EYS: variants seen among roughly 807,000 people sequenced by gnomAD.
EYS encodes the protein protein eyes shut homolog.
A neutral mutation model predicts 282.1 loss-of-function variants in EYS; 250 were observed. The observed-to-expected ratio is 0.89, with a 90% CI of 0.80 to 0.98. The LOEUF (loss-of-function observed/expected upper bound fraction) is 0.98. Among genes scored for constraint, EYS ranks in the 50% least tolerant of loss-of-function variants. The pLI, the probability that EYS is intolerant of heterozygous loss-of-function variation, is 0.00. For synonymous variants in EYS, 1,355 were observed against 1,282.9 expected (o/e 1.06, Z -1.20); for missense variants, 4,016 against 3,709.0 (o/e 1.08, Z -2.15).
chr6:65,528,942 C>T (rs1347085123), intron 2 of EYS, among the ~76,000 whole-genome samples: 2 of 152,076 alleles, frequency 1.3e-5, no homozygotes, highest in Admixed American at 1.3e-4. Context: ...TGCAAATTTT[C>T]AGAAATCTAG....
chr6:64,593,448 A>T, intron 24 of EYS, 139 bp from the exon 25 acceptor site: 1 of 602,246 alleles, frequency 1.7e-6, no homozygotes, highest in Non-Finnish European at 2.6e-6. Context: ...CTTGAAAATT[A>T]AATCTCCATA....
At chr6:63,785,531 C>A (rs187652318) in intron 39 of EYS, among the ~76,000 whole-genome samples, 1 of 151,972 alleles carries the variant, frequency 6.6e-6, no homozygotes, top group South Asian at 2.1e-4. Context: ...TAAGGCACAG[C>A]GTATTTGGCA....
intron 12 of EYS, among the ~76,000 whole-genome samples, chr6:65,168,678 C>T (rs909212531): frequency 6.6e-6 from 1 of 151,258 alleles, no homozygotes; most frequent in African/African-American, 2.4e-5. Flanking sequence ...CACAAACATT[C>T]AGGTCATAGT....
chr6:63,862,329 C>T (rs1209191713), intron 36 of EYS, among the ~76,000 whole-genome samples: 1 of 151,936 alleles, frequency 6.6e-6, no homozygotes, highest in Non-Finnish European at 1.5e-5. Flanking sequence ...TTTTACATTG[C>T]TAAACTAGAT....
At chr6:65,306,932 C>G (rs1245919864) in intron 11 of EYS, among the ~76,000 whole-genome samples, 2 of 140,368 alleles carry the variant, frequency 1.4e-5, no homozygotes, top group South Asian at 2.3e-4. Flanking sequence ...AAGTTACTTA[C>G]CATTCAACCT....
At chr6:65,526,930 A>C (rs558780236) in intron 2 of EYS, among the ~76,000 whole-genome samples, 20 of 152,338 alleles carry the variant, frequency 1.3e-4, no homozygotes, top group African/African-American at 4.8e-4. Context: ...ATAATTCAGT[A>C]TATTTTATAA....
intron 33 of EYS, among the ~76,000 whole-genome samples, chr6:64,065,632 C>CA (rs1771338611): frequency 6.6e-6 from 1 of 152,084 alleles, no homozygotes; most frequent in African/African-American, 2.4e-5. Flanking sequence ...TTTGTGCAGT[C>CA]AATGGCTCCC....
intron 19 of EYS, among the ~76,000 whole-genome samples, chr6:64,864,352 A>T: frequency 7.0e-6 from 1 of 142,850 alleles, no homozygotes; most frequent in Admixed American, 7.5e-5. Context: ...GAAGGCAAAA[A>T]TAATTTTGAG....
chr6:65,295,781 A>C, intron 12 of EYS, 82 bp downstream of exon 12: 1 of 1,158,292 alleles, frequency 8.6e-7, no homozygotes, highest in Admixed American at 2.7e-5. Context: ...CACATTTGAG[A>C]TATATTTGAG....
intron 36 of EYS, among the ~76,000 whole-genome samples, chr6:63,812,620 T>G (rs1426565246): frequency 6.6e-6 from 1 of 152,146 alleles, no homozygotes; most frequent in Non-Finnish European, 1.5e-5. Flanking sequence ...TATCAAATGG[T>G]TGAATACATG....
intron 8 of EYS, among the ~76,000 whole-genome samples, chr6:65,369,317 T>A (rs9345610): frequency 9.0e-5 from 3 of 33,312 alleles, no homozygotes; most frequent in South Asian, 9.3e-4. Flanking sequence ...ATATATATAT[T>A]ATATATATAT....
intron 19 of EYS, among the ~76,000 whole-genome samples, chr6:64,839,251 A>G (rs1273989636): frequency 4.6e-5 from 7 of 152,056 alleles, no homozygotes; most frequent in Non-Finnish European, 8.8e-5. Flanking sequence ...GATTGGATAC[A>G]TAAATTTCAT....
At chr6:64,332,917 G>T (rs1256405392) in intron 29 of EYS, among the ~76,000 whole-genome samples, 1 of 152,144 alleles carries the variant, frequency 6.6e-6, no homozygotes. Context: ...GCCCAGAAGG[G>T]TGCTTATGCA....
intron 22 of EYS, among the ~76,000 whole-genome samples, chr6:64,736,831 G>A (rs923790391): frequency 1.3e-5 from 2 of 152,044 alleles, no homozygotes; most frequent in African/African-American, 4.8e-5. Context: ...GAAGAAGACA[G>A]AGAATAAGGT....
chr6:64,109,815 T>C (rs1773148514), intron 31 of EYS, among the ~76,000 whole-genome samples: 1 of 152,154 alleles, frequency 6.6e-6, no homozygotes, highest in African/African-American at 2.4e-5. Flanking sequence ...TAAAACTCTT[T>C]GATTTTGCCT....
intron 7 of EYS, among the ~76,000 whole-genome samples, chr6:65,386,034 G>T (rs1765787991): frequency 6.6e-6 from 1 of 151,904 alleles, no homozygotes; most frequent in Non-Finnish European, 1.5e-5. Context: ...ACTTTGTGTT[G>T]CAGTTTCCAA....
chr6:65,125,602 A>G (rs958418019), intron 12 of EYS, among the ~76,000 whole-genome samples: 1 of 152,200 alleles, frequency 6.6e-6, no homozygotes, highest in Non-Finnish European at 1.5e-5. Context: ...GTAATAAAGA[A>G]TCCGACCAAA....
chr6:64,935,691 A>T (rs1768884300), intron 15 of EYS, among the ~76,000 whole-genome samples: 1 of 151,746 alleles, frequency 6.6e-6, no homozygotes, highest in African/African-American at 2.4e-5. Context: ...TTACACGCTA[A>T]CCAATTATAA....
At chr6:64,302,553 G>A (rs1192354180) in intron 30 of EYS, among the ~76,000 whole-genome samples, 1 of 151,968 alleles carries the variant, frequency 6.6e-6, no homozygotes, top group Admixed American at 6.6e-5. Flanking sequence ...ACTGATAATG[G>A]TCCAGCTTAT....
Sources: gnomAD v4.1 joint callset for allele counts (sites outside exome capture counted in the v4.1 genomes callset) on GRCh38, gnomAD v4.1.1 for gene constraint, MANE v1.5 for transcripts, NCBI Gene and HGNC (gene_info 2026-07-23, HGNC 2026-07-21) for gene names.